The following MACROD2 variants were observed in gnomAD, a reference collection of about 807,000 sequenced individuals.
The protein encoded by MACROD2 is ADP-ribose glycohydrolase MACROD2.
Under a neutral mutation model 70.4 loss-of-function variants are expected in MACROD2, and 36 were observed. The ratio of observed to expected loss-of-function variants is 0.51; its 90% CI spans 0.39 to 0.68. MACROD2 has a LOEUF of 0.68. Among genes scored for constraint, MACROD2 ranks in the 30% least tolerant of loss-of-function variants. MACROD2 has a pLI of 0.00. For synonymous variants in MACROD2, 172 were observed against 178.8 expected (o/e 0.96, Z 0.30); for missense variants, 496 against 538.4 (o/e 0.92, Z 0.78).
intron 5 of MACROD2, among the ~76,000 whole-genome samples, chr20:14,993,228 C>T (rs1261132356): frequency 1.3e-5 from 2 of 150,950 alleles, no homozygotes; most frequent in African/African-American, 4.9e-5. Flanking sequence ...CAGATGAATT[C>T]AGATTACATG....
chr20:14,194,701 A>G (rs1469517975), intron 3 of MACROD2, among the ~76,000 whole-genome samples: 2 of 152,204 alleles, frequency 1.3e-5, no homozygotes, highest in Non-Finnish European at 2.9e-5. Flanking sequence ...TGACTGAGCA[A>G]TAAAACTCTT....
chr20:15,478,429 C>T (rs2047050674), intron 7 of MACROD2, among the ~76,000 whole-genome samples: 1 of 152,162 alleles, frequency 6.6e-6, no homozygotes, highest in Non-Finnish European at 1.5e-5. Flanking sequence ...TTGTCTACAA[C>T]TTGTCTACTG....
At chr20:15,863,251 C>A (rs1371696747) in intron 9 of MACROD2, among the ~76,000 whole-genome samples, 2 of 152,120 alleles carry the variant, frequency 1.3e-5, no homozygotes, top group Admixed American at 6.5e-5. Context: ...AGAATTCAAA[C>A]TTTTCCTGCA....
At chr20:14,857,340 T>A (rs1250924317) in intron 5 of MACROD2, among the ~76,000 whole-genome samples, 1 of 152,204 alleles carries the variant, frequency 6.6e-6, no homozygotes, top group Non-Finnish European at 1.5e-5. Context: ...TGGCCCCTTA[T>A]CATCTGACAG....
intron 8 of MACROD2, among the ~76,000 whole-genome samples, chr20:15,649,329 T>G (rs979360413): frequency 6.6e-5 from 10 of 151,712 alleles, no homozygotes; most frequent in African/African-American, 2.4e-4. Flanking sequence ...TTGTATTCAA[T>G]TATAAGAGTA....
intron 6 of MACROD2, among the ~76,000 whole-genome samples, chr20:15,343,799 T>C (rs1003142832): frequency 1.3e-5 from 2 of 152,222 alleles, no homozygotes; most frequent in Non-Finnish European, 2.9e-5. Context: ...TGCCTGTCCA[T>C]GCATTTAGAG....
chr20:15,876,109 A>ATATATATATATATG lies in MACROD2; in HGVS notation c.728-9652_728-9651insATATATATATGTAT, dbSNP rs57817982. On this transcript the variant is annotated intron_variant, in intron 9 of 17. Transcript: ENST00000684519. ...ATGTCTTTTATATATATATATATAT[A>ATATATATATATATG]TATGTGTGTATTTTTTTTATTACAC... Among the ~76,000 whole-genome samples the ATATATATATATATG allele has an allele frequency of 1.8e-4, 23 of 124,432 alleles. 2 individuals are homozygous for ATATATATATATATG. The highest frequency in any genetic ancestry group is 7.2e-4 in the African/African-American group (19 of 26,570). 81.6% of individuals were successfully genotyped at this position (124,432 alleles called of 152,430 possible).
At chr20:15,976,871 C>T (rs1601252838) in intron 13 of MACROD2, among the ~76,000 whole-genome samples, 1 of 152,194 alleles carries the variant, frequency 6.6e-6, no homozygotes, top group East Asian at 1.9e-4. Flanking sequence ...TTTGAAATAG[C>T]ACTTTATCCT....
At chr20:15,377,546 G>A in intron 6 of MACROD2, among the ~76,000 whole-genome samples, 1 of 152,154 alleles carries the variant, frequency 6.6e-6, no homozygotes, top group Non-Finnish European at 1.5e-5. Context: ...AGTACTCCCT[G>A]TGTGAATTCG....
At chr20:15,143,103 G>A (rs1045257089) in intron 5 of MACROD2, among the ~76,000 whole-genome samples, 4 of 152,252 alleles carry the variant, frequency 2.6e-5, no homozygotes, top group African/African-American at 9.6e-5. Context: ...TTCCACAATG[G>A]TTGAACTGGT....
At chr20:14,785,155 T>C (rs796976961) in intron 5 of MACROD2, among the ~76,000 whole-genome samples, 1 of 151,664 alleles carries the variant, frequency 6.6e-6, no homozygotes, top group East Asian at 1.9e-4. Flanking sequence ...TCCCTGTCAG[T>C]CTCTCATGAA....
At chr20:14,349,374 T>G (rs2083097739) in intron 3 of MACROD2, among the ~76,000 whole-genome samples, 1 of 145,112 alleles carries the variant, frequency 6.9e-6, no homozygotes, top group Non-Finnish European at 1.5e-5. Context: ...ACCCATCCCT[T>G]CAAGCATTTG....
At chr20:14,779,833 T>C (rs952379530) in intron 5 of MACROD2, among the ~76,000 whole-genome samples, 4 of 152,152 alleles carry the variant, frequency 2.6e-5, no homozygotes, top group African/African-American at 9.7e-5. Context: ...CAATATTTAT[T>C]ACATCATTAT....
At chr20:16,020,001 G>T (rs1454791000) in intron 15 of MACROD2, among the ~76,000 whole-genome samples, 1 of 152,216 alleles carries the variant, frequency 6.6e-6, no homozygotes, top group East Asian at 1.9e-4. Context: ...AGGAAGAAAG[G>T]GCTCACCTCC....
intron 5 of MACROD2, among the ~76,000 whole-genome samples, chr20:15,176,689 C>T (rs1026458979): frequency 8.5e-5 from 13 of 152,134 alleles, no homozygotes; most frequent in African/African-American, 3.1e-4. Flanking sequence ...CTCATTCTTC[C>T]TGGATGTGGA....
intron 10 of MACROD2, among the ~76,000 whole-genome samples, chr20:15,920,739 C>T (rs2065391270): frequency 6.6e-6 from 1 of 152,174 alleles, no homozygotes; most frequent in South Asian, 2.1e-4. Context: ...AATTCTGCTC[C>T]CTGCTAGCTA....
chr20:15,616,641 T>A (rs1191497726), intron 8 of MACROD2, among the ~76,000 whole-genome samples: 1 of 152,204 alleles, frequency 6.6e-6, no homozygotes, highest in Non-Finnish European at 1.5e-5. Context: ...TTCTTCACCC[T>A]GAATTGCCTG....
At chr20:15,669,177 C>T (rs2049943876) in intron 8 of MACROD2, among the ~76,000 whole-genome samples, 1 of 152,158 alleles carries the variant, frequency 6.6e-6, no homozygotes, top group Non-Finnish European at 1.5e-5. Context: ...TAAAAGGAAA[C>T]ACATTGTACA....
At chr20:15,397,896 A>G (rs1436553951) in intron 6 of MACROD2, among the ~76,000 whole-genome samples, 2 of 152,226 alleles carry the variant, frequency 1.3e-5, no homozygotes, top group African/African-American at 4.8e-5. Flanking sequence ...GAGATATTAT[A>G]TAAACAATAT....
Sources: gnomAD v4.1 joint callset for allele counts (sites outside exome capture counted in the v4.1 genomes callset) on GRCh38, gnomAD v4.1.1 for gene constraint, MANE v1.5 for transcripts, NCBI Gene and HGNC (gene_info 2026-07-23, HGNC 2026-07-21) for gene names.